The following EPB41L3 variants were observed in gnomAD, a reference collection of about 807,000 sequenced individuals.
EPB41L3 encodes erythrocyte membrane protein band 4.1 like 3, also known as band 4.1-like protein 3.
In EPB41L3, 57 loss-of-function variants were observed where a neutral mutation model predicts 127.1. The ratio of observed to expected loss-of-function variants is 0.45; its 90% confidence interval spans 0.36 to 0.56. EPB41L3 has a LOEUF of 0.56. Ranked by LOEUF, EPB41L3 falls within the 20% of genes least tolerant of loss-of-function variation. The pLI is 0.00. For synonymous variants in EPB41L3, 572 were observed against 549.5 expected (o/e 1.04, Z -0.57); for missense variants, 1,273 against 1,372.2 (o/e 0.93, Z 1.14).
intron 3 of EPB41L3, among the ~76,000 whole-genome samples, chr18:5,589,499 T>G (rs2094467483): frequency 6.6e-6 from 1 of 152,204 alleles, no homozygotes; most frequent in Non-Finnish European, 1.5e-5. Context: ...CATATGAAGA[T>G]ATGGTGCTCC....
At chr18:5,565,104 C>T (rs1337029022) in intron 3 of EPB41L3, among the ~76,000 whole-genome samples, 1 of 152,046 alleles carries the variant, frequency 6.6e-6, no homozygotes, top group African/African-American at 2.4e-5. Flanking sequence ...TGAAGAGACT[C>T]AGGGTTTTTG....
At chr18:5,416,974 C>T (rs1264043553) in intron 12 of EPB41L3, among the ~76,000 whole-genome samples, 1 of 152,124 alleles carries the variant, frequency 6.6e-6, no homozygotes, top group Non-Finnish European at 1.5e-5. Flanking sequence ...TAAGTAGTTA[C>T]AATCAGGGAT....
At chr18:5,480,724 C>T (rs992270515) in intron 2 of EPB41L3, among the ~76,000 whole-genome samples, 1 of 152,182 alleles carries the variant, frequency 6.6e-6, no homozygotes, top group South Asian at 2.1e-4. Flanking sequence ...CTAGAAGAGA[C>T]AGGACTTCAA....
At chr18:5,469,295 C>A (rs1325284743) in intron 3 of EPB41L3, among the ~76,000 whole-genome samples, 3 of 152,202 alleles carry the variant, frequency 2.0e-5, no homozygotes, top group Non-Finnish European at 4.4e-5. Context: ...TCTGGCATCT[C>A]CAAGCTTCCG....
intron 16 of EPB41L3, 85 bp downstream of exon 16, chr18:5,406,692 A>C (rs1302679665): frequency 3.2e-6 from 4 of 1,241,096 alleles, no homozygotes; most frequent in Middle Eastern, 2.8e-4. Context: ...TCTACCCAGA[A>C]GACTGTCAAA....
At chr18:5,611,845 T>A (rs2144045141) in intron 3 of EPB41L3, among the ~76,000 whole-genome samples, 2 of 152,046 alleles carry the variant, frequency 1.3e-5, no homozygotes, top group Admixed American at 1.3e-4. Context: ...GGGTACTTCT[T>A]ATACTCGGGA....
At chr18:5,505,383 T>G (rs2092066908) in intron 1 of EPB41L3, among the ~76,000 whole-genome samples, 1 of 152,010 alleles carries the variant, frequency 6.6e-6, no homozygotes, top group Non-Finnish European at 1.5e-5. Flanking sequence ...TCAGAATATC[T>G]CCAGAATGTG....
chr18:5,442,959 C>A (rs2080998177), intron 5 of EPB41L3, among the ~76,000 whole-genome samples: 1 of 152,116 alleles, frequency 6.6e-6, no homozygotes. Context: ...CTAAAGAGAG[C>A]TAAGATGTAT....
chr18:5,460,301 G>A (rs1441379441), intron 3 of EPB41L3, among the ~76,000 whole-genome samples: 1 of 152,076 alleles, frequency 6.6e-6, no homozygotes, highest in African/African-American at 2.4e-5. Context: ...TGATGTCTGG[G>A]AAACAGCACA....
intron 16 of EPB41L3, among the ~76,000 whole-genome samples, chr18:5,406,276 A>C (rs1162934910): frequency 6.6e-6 from 1 of 152,130 alleles, no homozygotes; most frequent in Non-Finnish European, 1.5e-5. Context: ...AAAACGTAAT[A>C]TAAATCAATT....
chr18:5,433,443 A>C (rs79434096), intron 8 of EPB41L3, 26 bp downstream of exon 8: 1 of 1,513,874 alleles, frequency 6.6e-7, no homozygotes, highest in African/African-American at 1.4e-5. Context: ...TTAAATTGAA[A>C]GTTTAGGGTT....
intron 3 of EPB41L3, among the ~76,000 whole-genome samples, chr18:5,576,820 A>G (rs1305023393): frequency 6.6e-6 from 1 of 152,242 alleles, no homozygotes; most frequent in African/African-American, 2.4e-5. Flanking sequence ...CTTGGCACAA[A>G]GGAAAGTGAA....
intron 6 of EPB41L3, among the ~76,000 whole-genome samples, chr18:5,436,402 T>A (rs979371169): frequency 7.1e-6 from 1 of 141,434 alleles, no homozygotes; most frequent in African/African-American, 2.5e-5. Flanking sequence ...ACATTTTCTT[T>A]CTTTTTTTTT....
intron 13 of EPB41L3, among the ~76,000 whole-genome samples, chr18:5,411,637 C>T (rs1225071503): frequency 1.5e-5 from 2 of 132,792 alleles, no homozygotes; most frequent in Admixed American, 1.4e-4. Context: ...AATAAAGTTC[C>T]CTTGATCAAA....
At chr18:5,438,743 C>G (rs886698635) in intron 5 of EPB41L3, among the ~76,000 whole-genome samples, 1 of 152,194 alleles carries the variant, frequency 6.6e-6, no homozygotes. Flanking sequence ...TGCACCTGCA[C>G]CTCCTCAGCC....
At chr18:5,589,896 T>C (rs575010651) in intron 3 of EPB41L3, among the ~76,000 whole-genome samples, 1 of 152,334 alleles carries the variant, frequency 6.6e-6, no homozygotes, top group South Asian at 2.1e-4. Context: ...CAACTTCTTC[T>C]TGCTAGAACT....
chr18:5,408,275 T>TTC (rs201601280), intron 14 of EPB41L3, among the ~76,000 whole-genome samples: 931 of 49,108 alleles, frequency 0.019, 10 homozygotes, highest in South Asian at 0.067. Context: ...TCTTTTTTCT[T>TTC]TTTTTTTTTT....
chr18:5,398,752 G>C lies in EPB41L3; in HGVS notation c.2350-609C>G, dbSNP rs113004100. On this transcript the variant is annotated intron_variant, in intron 16 of 22. Coordinates refer to ENST00000341928, the MANE Select transcript of EPB41L3 (RefSeq NM_012307.5). ...CATTCGGACAGGCTCTTCCTTCGGG[G>C]ACCAAAGAGGCCCACTTTTAAGACC... The C allele has an allele frequency of 1.3e-4, 50 of 399,328 alleles. 1 individual carries two copies. In the South Asian group the frequency reaches 6.1e-3, roughly 49 times the overall value. 24.7% of individuals were successfully genotyped at this position (399,328 alleles called of 1,614,324 possible).
At chr18:5,597,558 A>C (rs1419248596) in intron 3 of EPB41L3, among the ~76,000 whole-genome samples, 1 of 152,192 alleles carries the variant, frequency 6.6e-6, no homozygotes, top group East Asian at 1.9e-4. Flanking sequence ...ATTATACATT[A>C]AACAATGAAT....
Sources: allele counts gnomAD v4.1 joint callset (sites outside exome capture counted in the v4.1 genomes callset), GRCh38; gene constraint gnomAD v4.1.1; transcripts MANE v1.5; gene names NCBI Gene and HGNC (gene_info 2026-07-23, HGNC 2026-07-21).